The following PCDHA1 variants were observed in gnomAD, a reference collection of about 807,000 sequenced individuals.
PCDHA1 encodes protocadherin alpha-1.
In PCDHA1, 42 loss-of-function variants were observed where a neutral mutation model predicts 61.3. The ratio of observed to expected loss-of-function variants is 0.69; its 90% CI spans 0.54 to 0.89. The LOEUF is 0.89. Among genes scored for constraint, PCDHA1 ranks in the 40% least tolerant of loss-of-function variants. The pLI is 0.00. For synonymous variants in PCDHA1, 610 were observed against 553.8 expected (o/e 1.10, Z -1.43); for missense variants, 1,256 against 1,235.3 (o/e 1.02, Z -0.25).
At chr5:140,883,892 G>T in intron 1 of PCDHA1, 3 of 1,613,362 alleles carry the variant, frequency 1.9e-6, no homozygotes, top group Non-Finnish European at 1.7e-6. Context: ...CGACTCTGGC[G>T]TGCCGCCTCT....
At chr5:140,839,779 T>A (rs1475940680) in intron 1 of PCDHA1, among the ~76,000 whole-genome samples, 1 of 152,032 alleles carries the variant, frequency 6.6e-6, no homozygotes, top group Non-Finnish European at 1.5e-5. Context: ...TGGTAAGAAT[T>A]TTGTAGAAAT....
At chr5:140,943,144 G>C (rs894787678) in intron 1 of PCDHA1, among the ~76,000 whole-genome samples, 1 of 151,178 alleles carries the variant, frequency 6.6e-6, no homozygotes, top group Non-Finnish European at 1.5e-5. Context: ...TGTAGTCCCA[G>C]CTACTCTGGA....
chr5:140,967,310 G>A (rs2096126313), intron 1 of PCDHA1: 1 of 1,611,338 alleles, frequency 6.2e-7, no homozygotes, highest in East Asian at 2.2e-5. Context: ...CGCCAACTCA[G>A]TACAGACCTA....
intron 1 of PCDHA1, chr5:140,830,139 C>G (rs2150181764): frequency 1.2e-6 from 2 of 1,613,260 alleles, no homozygotes; most frequent in Non-Finnish European, 1.7e-6. Flanking sequence ...TCACGGGCGT[C>G]GGTGGGCGCC....
chr5:140,959,876 G>A (rs1335764869), intron 1 of PCDHA1, among the ~76,000 whole-genome samples: 1 of 152,134 alleles, frequency 6.6e-6, no homozygotes. Context: ...ATCTGTCAAG[G>A]AATACACGAG....
chr5:140,809,561 T>C, intron 1 of PCDHA1: 2 of 1,608,678 alleles, frequency 1.2e-6, no homozygotes, highest in Non-Finnish European at 1.7e-6. Context: ...AACTGAGGAA[T>C]CCTTTGCAAA....
At chr5:140,838,268 C>T (rs1775630088) in intron 1 of PCDHA1, among the ~76,000 whole-genome samples, 2 of 138,020 alleles carry the variant, frequency 1.4e-5, no homozygotes, top group Admixed American at 7.6e-5. Context: ...CGCCAACAAC[C>T]AAGCCATGCT....
intron 1 of PCDHA1, chr5:140,830,094 C>A (rs1770810347): frequency 1.2e-6 from 2 of 1,613,470 alleles, no homozygotes; most frequent in Non-Finnish European, 8.5e-7. Flanking sequence ...GTTCTGGTGT[C>A]GCTGGTGGAG....
intron 1 of PCDHA1, chr5:140,967,716 T>C: frequency 1.2e-6 from 2 of 1,613,914 alleles, no homozygotes; most frequent in Non-Finnish European, 1.7e-6. Context: ...ACCGGGGAAG[T>C]GCGAGTAATT....
intron 1 of PCDHA1, among the ~76,000 whole-genome samples, chr5:140,959,643 G>A (rs246006): frequency 0.56 from 85,684 of 152,026 alleles, 24,754 homozygotes; most frequent in African/African-American, 0.69. Flanking sequence ...AAAAAACACA[G>A]AAGCAAAATT....
intron 3 of PCDHA1, among the ~76,000 whole-genome samples, chr5:140,993,224 G>A (rs547665525): frequency 6.6e-6 from 1 of 152,210 alleles, no homozygotes; most frequent in East Asian, 1.9e-4. Context: ...TTTTTGGTAT[G>A]TTCTCTCTGA....
At chr5:140,880,737 G>T (rs139077188) in intron 1 of PCDHA1, among the ~76,000 whole-genome samples, 1 of 152,304 alleles carries the variant, frequency 6.6e-6, no homozygotes, top group Non-Finnish European at 1.5e-5. Flanking sequence ...TAGAGAAAAT[G>T]GATTGTCAGT....
chr5:140,809,180 G>A (rs782248044), intron 1 of PCDHA1: 1 of 1,614,034 alleles, frequency 6.2e-7, no homozygotes, highest in South Asian at 1.1e-5. Flanking sequence ...CACGGCCACT[G>A]TGCTGGTGTC....
At chr5:140,892,641 T>G (rs2063609688) in intron 1 of PCDHA1, among the ~76,000 whole-genome samples, 1 of 152,226 alleles carries the variant, frequency 6.6e-6, no homozygotes. Flanking sequence ...TTGTACATAT[T>G]TATAGGATAC....
chr5:140,847,333 C>T (rs2150399030), intron 1 of PCDHA1: 10 of 149,874 alleles, frequency 6.7e-5, no homozygotes, highest in African/African-American at 1.9e-4. Flanking sequence ...TTGTTAAATG[C>T]ACCTCTTAGG....
chr5:140,868,327 T>C (rs1554161889), intron 1 of PCDHA1: 1 of 152,138 alleles, frequency 6.6e-6, no homozygotes, highest in Non-Finnish European at 1.5e-5. Context: ...CTGCAATGAA[T>C]ATAAAGTCAC....
intron 1 of PCDHA1, chr5:140,852,270 CAT>C (rs1193934371): frequency 1.4e-5 from 7 of 503,434 alleles, no homozygotes; most frequent in South Asian, 1.7e-4. Context: ...TACAATATTA[CAT>C]GTTTTTTGTC....
At chr5:140,883,387 T>C in intron 1 of PCDHA1, 1 of 1,614,150 alleles carries the variant, frequency 6.2e-7, no homozygotes, top group Non-Finnish European at 8.5e-7. Flanking sequence ...CCCTAATCAG[T>C]GTGTCCGATC....
chr5:140,857,920 G>T (rs2045011675), intron 1 of PCDHA1: 2 of 1,597,702 alleles, frequency 1.3e-6, no homozygotes, highest in East Asian at 2.2e-5. Context: ...TTCGCGTGGG[G>T]CTGTACACGG....
Sources: allele counts gnomAD v4.1 joint callset (sites outside exome capture counted in the v4.1 genomes callset), GRCh38; gene constraint gnomAD v4.1.1; transcripts MANE v1.5; gene names NCBI Gene and HGNC (gene_info 2026-07-23, HGNC 2026-07-21).